VRK1: variants seen among roughly 807,000 people sequenced by gnomAD.
VRK1 encodes VRK serine/threonine kinase 1, also known as serine/threonine-protein kinase VRK1.
A neutral mutation model predicts 57.1 loss-of-function variants in VRK1; 33 were observed. The ratio of observed to expected loss-of-function variants is 0.58; its 90% confidence interval spans 0.44 to 0.77. The LOEUF is 0.77. VRK1 is among the 30% of genes least tolerant of loss of function. The probability of loss-of-function intolerance (pLI) is 0.00; values close to 1 mark genes in which losing one functional copy is unlikely to be tolerated. For synonymous variants in VRK1, 137 were observed against 147.8 expected (o/e 0.93, Z 0.53); for missense variants, 413 against 477.3 (o/e 0.87, Z 1.25).
intron 10 of VRK1, among the ~76,000 whole-genome samples, chr14:96,857,445 A>C (rs905707491): frequency 1.3e-5 from 2 of 152,080 alleles, no homozygotes; most frequent in African/African-American, 4.8e-5. Flanking sequence ...AGTGCCCAGG[A>C]GATGCGAGGA....
At chr14:96,854,871 C>T (rs1291008583) in intron 7 of VRK1, among the ~76,000 whole-genome samples, 1 of 152,104 alleles carries the variant, frequency 6.6e-6, no homozygotes, top group Non-Finnish European at 1.5e-5. Flanking sequence ...TGACGGTTTG[C>T]TCTGTGCTCA....
intron 4 of VRK1, 38 bp downstream of exon 4, chr14:96,846,202 A>T: frequency 1.2e-6 from 2 of 1,601,050 alleles, no homozygotes; most frequent in Non-Finnish European, 1.7e-6. Flanking sequence ...CACTTTTAAA[A>T]TGACCAGTTT....
At chr14:96,826,029 T>G (rs1185155192) in intron 1 of VRK1, among the ~76,000 whole-genome samples, 1 of 152,138 alleles carries the variant, frequency 6.6e-6, no homozygotes, top group Non-Finnish European at 1.5e-5. Flanking sequence ...CAAGCCTTTT[T>G]CCTCTCTTCA....
chr14:96,874,171 G>A (rs1888935337), intron 11 of VRK1, among the ~76,000 whole-genome samples: 1 of 152,206 alleles, frequency 6.6e-6, no homozygotes, highest in Admixed American at 6.5e-5. Context: ...AAGCAATATA[G>A]TACTGAAATA....
At chr14:96,862,955 G>A (rs1375692131) in intron 11 of VRK1, among the ~76,000 whole-genome samples, 1 of 152,092 alleles carries the variant, frequency 6.6e-6, no homozygotes, top group African/African-American at 2.4e-5. Context: ...TTGTATTTAG[G>A]TTCCTAAGAA....
chr14:96,860,831 TA>T (rs1234656267), intron 11 of VRK1, 96 bp downstream of exon 11: 2 of 1,357,872 alleles, frequency 1.5e-6, no homozygotes, highest in Non-Finnish European at 2.0e-6. Flanking sequence ...TGAAGAACAA[TA>T]ACAGATTGCA....
rs187236224 is a variant in VRK1 at position 96,863,821 on chromosome 14, G to A, written c.1068+3086G>A. 2.6e-3 allele frequency among the ~76,000 whole-genome samples: 399 copies of A among 152,176 alleles called. 1 individual carries two copies. The highest frequency in any genetic ancestry group is 4.2e-3 in the Admixed American group (64 of 15,286). On this transcript the variant is annotated intron_variant, in intron 11 of 12. Transcript: ENST00000216639. ...ATAAACCCTTGCTGGCATTTAGCCT[G>A]GAACAGGGTACAAAGAGTTGAATAA...
intron 11 of VRK1, among the ~76,000 whole-genome samples, chr14:96,864,223 T>A (rs984237271): frequency 1.3e-5 from 2 of 152,140 alleles, no homozygotes; most frequent in African/African-American, 2.4e-5. Flanking sequence ...TCAAGTGGAC[T>A]TTTTTGCCCT....
At chr14:96,871,078 A>G (rs1263094005) in intron 11 of VRK1, among the ~76,000 whole-genome samples, 1 of 152,152 alleles carries the variant, frequency 6.6e-6, no homozygotes, top group Non-Finnish European at 1.5e-5. Flanking sequence ...TTTTTGGCAC[A>G]TTCATATAAA....
At chr14:96,810,888 G>A (rs1344460647) in intron 1 of VRK1, among the ~76,000 whole-genome samples, 2 of 151,780 alleles carry the variant, frequency 1.3e-5, no homozygotes, top group African/African-American at 4.8e-5. Flanking sequence ...ATGAAAGATA[G>A]TTTTATTGAT....
chr14:96,854,075 CTATA>C (rs1192283786), intron 7 of VRK1, among the ~76,000 whole-genome samples: 5 of 151,970 alleles, frequency 3.3e-5, no homozygotes, highest in Non-Finnish European at 7.4e-5. Context: ...AGAAGGGAAT[CTATA>C]TAAGTATAAA....
chr14:96,853,191 C>T, intron 7 of VRK1, 25 bp downstream of exon 7: 2 of 1,572,874 alleles, frequency 1.3e-6, no homozygotes, highest in Non-Finnish European at 1.7e-6. Context: ...TTAATTTCTA[C>T]TATTTAAAGC....
At chr14:96,871,618 A>G (rs544865127) in intron 11 of VRK1, among the ~76,000 whole-genome samples, 71 of 152,252 alleles carry the variant, frequency 4.7e-4, no homozygotes, top group African/African-American at 1.6e-3. Flanking sequence ...TATAGTGTCT[A>G]TTTTTCAGCT....
chr14:96,841,752 T>C (rs889024935), intron 3 of VRK1, among the ~76,000 whole-genome samples: 4 of 151,744 alleles, frequency 2.6e-5, no homozygotes, highest in Non-Finnish European at 5.9e-5. Flanking sequence ...GGAGAATCAC[T>C]TGAAACTGGG....
At chr14:96,799,179 A>G (rs1412733011) in intron 1 of VRK1, among the ~76,000 whole-genome samples, 4 of 152,208 alleles carry the variant, frequency 2.6e-5, no homozygotes, top group Admixed American at 2.0e-4. Context: ...GGCATATAGT[A>G]AGTTAGTAAG....
chr14:96,798,036 C>T (rs895166378), intron 1 of VRK1, among the ~76,000 whole-genome samples: 5 of 152,112 alleles, frequency 3.3e-5, no homozygotes, highest in African/African-American at 1.2e-4. Flanking sequence ...GGGAGGCCGA[C>T]CCCTGAGGAT....
At chr14:96,877,154 A>AT (rs1438220206) in intron 12 of VRK1, among the ~76,000 whole-genome samples, 1 of 152,026 alleles carries the variant, frequency 6.6e-6, no homozygotes, top group Admixed American at 6.5e-5. Flanking sequence ...TTAAAAAAAA[A>AT]TTTTACAGCA....
intron 11 of VRK1, among the ~76,000 whole-genome samples, chr14:96,863,441 G>A (rs1214833394): frequency 6.6e-6 from 1 of 152,120 alleles, no homozygotes; most frequent in African/African-American, 2.4e-5. Context: ...TGTTCCATCT[G>A]GGTTAAGAAC....
chr14:96,852,737 C>A, intron 5 of VRK1, 94 bp from the exon 6 acceptor site: 1 of 853,116 alleles, frequency 1.2e-6, no homozygotes, highest in Non-Finnish European at 2.0e-6. Context: ...CTTTACTAAA[C>A]ATTGTCTTGA....
Sources: gnomAD v4.1 joint callset for allele counts (sites outside exome capture counted in the v4.1 genomes callset) on GRCh38, gnomAD v4.1.1 for gene constraint, MANE v1.5 for transcripts, NCBI Gene and HGNC (gene_info 2026-07-23, HGNC 2026-07-21) for gene names.